Variants in NR3C2 observed in about 807,000 individuals in gnomAD.
The protein encoded by NR3C2 is nuclear receptor subfamily 3 group C member 2, also known as mineralocorticoid receptor.
A neutral mutation model predicts 86.4 loss-of-function variants in NR3C2; 15 were observed. The observed-to-expected ratio is 0.17, with a 90% confidence interval of 0.12 to 0.27. The LOEUF is 0.27. Ranked by LOEUF, NR3C2 falls within the 10% of genes least tolerant of loss-of-function variation. The pLI is 1.00. For missense variants in NR3C2, 960 were observed against 1,195.6 expected, an observed-to-expected ratio of 0.80 and a Z score of 2.91; for synonymous variants, 458 against 450.5, an observed-to-expected ratio of 1.02 and a Z score of -0.21.
intron 2 of NR3C2, among the ~76,000 whole-genome samples, chr4:148,406,426 A>G (rs1415395039): frequency 6.6e-6 from 1 of 152,132 alleles, no homozygotes; most frequent in Admixed American, 6.6e-5. Context: ...AGCCGATAGG[A>G]CGCAGACGTG....
rs1233450266 is a variant in NR3C2 at position 148,187,013 on chromosome 4, T to C, written c.2014+7733A>G. Among the ~76,000 whole-genome samples the C allele has an allele frequency of 1.0e-4, 7 of 67,836 alleles. No homozygotes were observed. The Admixed American group carries it at 1.3e-3, about 12-fold the overall frequency. 44.5% of individuals were successfully genotyped at this position (67,836 alleles called of 152,430 possible). On this transcript the variant is annotated intron_variant, in intron 4 of 8. Coordinates refer to ENST00000358102, the MANE Select transcript of NR3C2 (RefSeq NM_000901.5). The stretch of plus-strand genomic sequence containing the variant: ...GTATGTATGTATATATATATATATA[T>C]ATATATATATATATATATATATATA...
intron 4 of NR3C2, among the ~76,000 whole-genome samples, chr4:148,184,367 G>A (rs1186820377): frequency 6.6e-6 from 1 of 151,796 alleles, no homozygotes; most frequent in Non-Finnish European, 1.5e-5. Context: ...GCTGAGGCAG[G>A]AGAATCGCTT....
At chr4:148,173,221 G>A (rs1735216598) in intron 4 of NR3C2, among the ~76,000 whole-genome samples, 1 of 152,208 alleles carries the variant, frequency 6.6e-6, no homozygotes, top group Admixed American at 6.5e-5. Flanking sequence ...ATAGTATGGT[G>A]GGAAGAATAA....
chr4:148,345,222 T>C (rs1744930610), intron 2 of NR3C2, among the ~76,000 whole-genome samples: 1 of 152,042 alleles, frequency 6.6e-6, no homozygotes, highest in African/African-American at 2.4e-5. Flanking sequence ...TGAGACCTAA[T>C]GGAAAACACT....
chr4:148,187,534 C>T (rs1460285722), intron 4 of NR3C2, among the ~76,000 whole-genome samples: 2 of 150,772 alleles, frequency 1.3e-5, no homozygotes, highest in Non-Finnish European at 3.0e-5. Context: ...GTCCTTAGCC[C>T]ATTTTTGGAT....
chr4:148,408,620 T>C (rs749391072), intron 2 of NR3C2, among the ~76,000 whole-genome samples: 55 of 152,188 alleles, frequency 3.6e-4, no homozygotes, highest in Non-Finnish European at 5.1e-4. Context: ...CTGAACCACA[T>C]TTCTTGATGA....
At chr4:148,247,609 T>C (rs1739380066) in intron 3 of NR3C2, among the ~76,000 whole-genome samples, 1 of 151,134 alleles carries the variant, frequency 6.6e-6, no homozygotes, top group African/African-American at 2.4e-5. Context: ...ATAAAGTCAA[T>C]TGTGGAATCT....
chr4:148,080,906 A>ATATT lies in NR3C2; in HGVS notation c.*434_*437dup. On this transcript the variant is annotated 3_prime_UTR_variant, in exon 9 of 9. Coordinates refer to ENST00000358102, the MANE Select transcript of NR3C2 (RefSeq NM_000901.5). ...TTTGTGTTTTTTTAATAACAAAAGAATATTAATGCCCCATATTGACTATAC... is the reference window on the plus strand; with the variant it reads ...TTTGTGTTTTTTTAATAACAAAAGAATATTTATTAATGCCCCATATTGACTATAC... 1 of 347,632 alleles carries ATATT rather than the reference A, an allele frequency of 2.9e-6. No homozygotes were observed. Among genetic ancestry groups the ATATT allele is most frequent in the Non-Finnish European group, 5.9e-6 (1 of 169,518 alleles). 21.5% of individuals were successfully genotyped at this position (347,632 alleles called of 1,614,324 possible). A position where few individuals can be genotyped will look rare whatever the true frequency, so the allele number is the denominator to read the frequency against.
chr4:148,090,342 T>TG (rs1731004985), intron 8 of NR3C2, among the ~76,000 whole-genome samples: 1 of 152,136 alleles, frequency 6.6e-6, no homozygotes, highest in Non-Finnish European at 1.5e-5. Context: ...GCATGGCCAT[T>TG]GGGGGACCAG....
chr4:148,115,052 A>G (rs1732212210), intron 7 of NR3C2, among the ~76,000 whole-genome samples: 1 of 152,252 alleles, frequency 6.6e-6, no homozygotes, highest in Non-Finnish European at 1.5e-5. Flanking sequence ...AGGGGGGAAC[A>G]ACAACAGTGG....
intron 3 of NR3C2, among the ~76,000 whole-genome samples, chr4:148,197,913 A>T (rs904471075): frequency 1.3e-5 from 2 of 152,192 alleles, no homozygotes; most frequent in East Asian, 3.9e-4. Context: ...AGTAGGACTC[A>T]GGGAACTTTA....
chr4:148,155,072 A>G (rs1202317380), intron 4 of NR3C2, among the ~76,000 whole-genome samples, 171 bp from the exon 5 acceptor site: 3 of 152,142 alleles, frequency 2.0e-5, no homozygotes, highest in African/African-American at 7.2e-5. Flanking sequence ...ATTACTTACT[A>G]TTGGTATTAA....
intron 2 of NR3C2, among the ~76,000 whole-genome samples, chr4:148,403,439 G>C (rs900257941): frequency 2.6e-5 from 4 of 152,094 alleles, no homozygotes; most frequent in Admixed American, 6.5e-5. Context: ...AAAGGAAGGT[G>C]ATCAAGCCCA....
At chr4:148,279,818 C>T (rs6852213) in intron 2 of NR3C2, among the ~76,000 whole-genome samples, 25,174 of 151,944 alleles carry the variant, frequency 0.17, 2,296 homozygotes, top group Admixed American at 0.21. Flanking sequence ...CTCTGCCCCC[C>T]GGGTTCAAGT....
chr4:148,144,039 GGT>G (rs1733748837), intron 6 of NR3C2, among the ~76,000 whole-genome samples: 1 of 151,244 alleles, frequency 6.6e-6, no homozygotes, highest in African/African-American at 2.4e-5. Context: ...TCCCCTCTTA[GGT>G]GTTTCCACCT....
Position 148,119,444 on chromosome 4 carries a change from A to G in NR3C2, c.2641+714T>C, listed in dbSNP as rs547330261. ...CTGAATGTGCTCTTCCCTTCTTTGAACCACCATTACATTCCTTACCTCCAT... is the reference window on the plus strand; with the variant it reads ...CTGAATGTGCTCTTCCCTTCTTTGAGCCACCATTACATTCCTTACCTCCAT... On this transcript the variant is annotated intron_variant, in intron 7 of 8. Coordinates refer to ENST00000358102, the MANE Select transcript of NR3C2 (RefSeq NM_000901.5). Among the ~76,000 whole-genome samples the G allele has an allele frequency of 9.2e-5, 14 of 152,144 alleles. No homozygotes were observed. The East Asian group carries it at 2.5e-3, about 27-fold the overall frequency.
chr4:148,348,419 T>C (rs1185428231), intron 2 of NR3C2, among the ~76,000 whole-genome samples: 1 of 152,160 alleles, frequency 6.6e-6, no homozygotes, highest in Non-Finnish European at 1.5e-5. Context: ...TTAGAAACTA[T>C]CTAGAGCATA....
chr4:148,262,132 C>T (rs1045009819), intron 2 of NR3C2, among the ~76,000 whole-genome samples: 2 of 152,144 alleles, frequency 1.3e-5, no homozygotes, highest in Non-Finnish European at 1.5e-5. Flanking sequence ...GAAAATGCCA[C>T]GGTTTTGTAA....
chr4:148,280,269 T>A (rs1173199234), intron 2 of NR3C2, among the ~76,000 whole-genome samples: 1 of 152,202 alleles, frequency 6.6e-6, no homozygotes, highest in Non-Finnish European at 1.5e-5. Flanking sequence ...ACTATCAGAC[T>A]TAATGTGATC....
Sources: gnomAD v4.1 joint callset for allele counts (sites outside exome capture counted in the v4.1 genomes callset) on GRCh38, gnomAD v4.1.1 for gene constraint, MANE v1.5 for transcripts, NCBI Gene and HGNC (gene_info 2026-07-23, HGNC 2026-07-21) for gene names.